MPP7: variants seen among roughly 807,000 people sequenced by gnomAD.
MPP7 encodes MAGUK p55 scaffold protein 7, also known as MAGUK p55 subfamily member 7.
MPP7 carries 60 observed loss-of-function variants against 76.5 expected under a neutral mutation model. The ratio of observed to expected loss-of-function variants is 0.78; its 90% CI spans 0.64 to 0.97. The LOEUF (loss-of-function observed/expected upper bound fraction) is 0.97, where lower values mean the gene tolerates loss of function less well. Ranked by LOEUF, MPP7 falls within the 50% of genes least tolerant of loss-of-function variation. The probability of loss-of-function intolerance (pLI) is 0.00; values close to 1 mark genes in which losing one functional copy is unlikely to be tolerated. For missense variants in MPP7, 641 were observed against 694.0 expected, an observed-to-expected ratio of 0.92 and a Z score of 0.86; for synonymous variants, 237 against 244.5, an observed-to-expected ratio of 0.97 and a Z score of 0.29.
intron 1 of MPP7, among the ~76,000 whole-genome samples, chr10:28,284,800 G>A (rs1318050469): frequency 1.3e-5 from 2 of 152,088 alleles, no homozygotes; most frequent in Non-Finnish European, 2.9e-5. Context: ...ATACATTTTT[G>A]AATCTGATCT....
Position 28,119,728 on chromosome 10 carries a change from A to G in MPP7, c.888-13T>C. Reference sequence around the variant, plus strand: ...CAAAGCCAATCTCCTGGGAGAAAGAAGGTCAACATACCTATCAATTTTCAG... The same window carrying G: ...CAAAGCCAATCTCCTGGGAGAAAGAGGGTCAACATACCTATCAATTTTCAG... On this transcript the variant is annotated splice_polypyrimidine_tract_variant and intron_variant, in intron 10 of 16. Transcript: ENST00000683449. 6.2e-7 allele frequency: 1 copy of G among 1,610,236 alleles called. No homozygotes were observed. The highest frequency in any genetic ancestry group is 8.5e-7 in the Non-Finnish European group (1 of 1,176,650).
rs1834928881 is a variant in MPP7, at chr10:28,124,047, T to C, written c.599A>G (p.Glu200Gly). 6.2e-7 allele frequency: 1 copy of C among 1,608,758 alleles called. No individual in the cohort carries two copies. Among genetic ancestry groups the C allele is most frequent in the Non-Finnish European group, 8.5e-7 (1 of 1,175,328 alleles). Residue 200 changes from glutamate (E) to glycine (G), a missense_variant, in exon 8 of 17, where the codon GAA (glutamate) becomes GGA (glycine). Physicochemically the swap from Glu to Gly is moderately conservative, Grantham distance 98. Coordinates refer to ENST00000683449, the MANE Select transcript of MPP7 (RefSeq NM_001318170.2). ...ACAGCTTACCAAAATCTGTATTATTTCCTCAGGCCTTTTATCCTCCACTGG... is the reference window on the plus strand; with the variant it reads ...ACAGCTTACCAAAATCTGTATTATTCCCTCAGGCCTTTTATCCTCCACTGG... ...GIPVEDKRPE[E>G]IIQILAQSQG... is the part of the protein sequence containing the mutation.
intron 2 of MPP7, among the ~76,000 whole-genome samples, chr10:28,219,776 GAAC>G (rs1838437009): frequency 6.6e-6 from 1 of 151,944 alleles, no homozygotes; most frequent in Non-Finnish European, 1.5e-5. Flanking sequence ...TCGACGCCCA[GAAC>G]AACACTATAA....
At chr10:28,204,967 T>C (rs775802041) in intron 2 of MPP7, among the ~76,000 whole-genome samples, 6 of 152,344 alleles carry the variant, frequency 3.9e-5, no homozygotes, top group Non-Finnish European at 8.8e-5. Flanking sequence ...ATAAGCCATA[T>C]TATATTTAAG....
intron 3 of MPP7, among the ~76,000 whole-genome samples, chr10:28,160,814 CA>C (rs1266485435): frequency 6.6e-6 from 1 of 152,138 alleles, no homozygotes; most frequent in Non-Finnish European, 1.5e-5. Flanking sequence ...GTGTGACTCT[CA>C]GAACCAGGTG....
intron 2 of MPP7, among the ~76,000 whole-genome samples, chr10:28,225,681 G>A (rs181674623): frequency 2.0e-5 from 3 of 152,272 alleles, no homozygotes; most frequent in East Asian, 3.9e-4. Flanking sequence ...GATAAGGATG[G>A]GAAGAAATTG....
intron 2 of MPP7, among the ~76,000 whole-genome samples, chr10:28,318,045 T>C (rs989996376): frequency 2.0e-5 from 3 of 152,220 alleles, no homozygotes; most frequent in Non-Finnish European, 4.4e-5. Flanking sequence ...ATTATGAGCA[T>C]GTGTCATCTA....
intron 2 of MPP7, among the ~76,000 whole-genome samples, chr10:28,213,811 G>T (rs867855773): frequency 7.7e-6 from 1 of 130,698 alleles, no homozygotes; most frequent in Non-Finnish European, 1.6e-5. Flanking sequence ...AAAAAAAAAA[G>T]AGAGAGAGAG....
At chr10:28,107,985 G>C (rs1312767351) in intron 11 of MPP7, among the ~76,000 whole-genome samples, 2 of 152,132 alleles carry the variant, frequency 1.3e-5, no homozygotes, top group Non-Finnish European at 2.9e-5. Flanking sequence ...TTCTTACTTA[G>C]TAGATTTTCT....
At chr10:28,246,169 G>A (rs1839428361) in intron 1 of MPP7, among the ~76,000 whole-genome samples, 1 of 152,080 alleles carries the variant, frequency 6.6e-6, no homozygotes, top group Non-Finnish European at 1.5e-5. Context: ...TAATTAAATT[G>A]TCAAAAGTCA....
At chr10:28,087,003 C>G (rs541603453) in intron 12 of MPP7, among the ~76,000 whole-genome samples, 1 of 152,150 alleles carries the variant, frequency 6.6e-6, no homozygotes, top group Admixed American at 6.5e-5. Flanking sequence ...TTTGTCCCCC[C>G]AAATTGCGTG....
At chr10:28,312,323 A>G (rs1261111870) in intron 2 of MPP7, among the ~76,000 whole-genome samples, 1 of 152,122 alleles carries the variant, frequency 6.6e-6, no homozygotes, top group Non-Finnish European at 1.5e-5. Flanking sequence ...TGCATTTTAC[A>G]GAGTGCTGAT....
At chr10:28,332,057 G>T (rs1157951325) in intron 1 of MPP7, among the ~76,000 whole-genome samples, 3 of 152,174 alleles carry the variant, frequency 2.0e-5, no homozygotes, top group Non-Finnish European at 4.4e-5. Flanking sequence ...CATTTGCTTT[G>T]TTTATTCAGC....
chr10:28,213,689 G>A (rs1295173582), intron 2 of MPP7, among the ~76,000 whole-genome samples: 1 of 151,784 alleles, frequency 6.6e-6, no homozygotes, highest in Non-Finnish European at 1.5e-5. Context: ...CTACTCAGGA[G>A]GCTGAGGCAG....
intron 2 of MPP7, among the ~76,000 whole-genome samples, chr10:28,310,933 TA>T (rs1841286387): frequency 2.0e-5 from 3 of 152,220 alleles, no homozygotes; most frequent in African/African-American, 7.2e-5. Context: ...TGCATCAACC[TA>T]AAATATTTTT....
At chr10:28,308,930 T>C (rs1360360182) in intron 2 of MPP7, among the ~76,000 whole-genome samples, 1 of 151,974 alleles carries the variant, frequency 6.6e-6, no homozygotes, top group African/African-American at 2.4e-5. Context: ...ACTAAGAAAA[T>C]TGGAAAACTC....
chr10:28,166,929 A>C (rs1211313197), intron 3 of MPP7, among the ~76,000 whole-genome samples: 3 of 152,086 alleles, frequency 2.0e-5, no homozygotes, highest in Non-Finnish European at 2.9e-5. Context: ...GCTACATAAT[A>C]CTTTGTTCTG....
chr10:28,262,442 A>C (rs956722297), intron 1 of MPP7, among the ~76,000 whole-genome samples: 4 of 151,482 alleles, frequency 2.6e-5, no homozygotes, highest in African/African-American at 9.7e-5. Flanking sequence ...TGAAACTAAC[A>C]GTATATCCCA....
chr10:28,136,304 T>C (rs1305445350), intron 5 of MPP7, among the ~76,000 whole-genome samples: 1 of 152,062 alleles, frequency 6.6e-6, no homozygotes, highest in African/African-American at 2.4e-5. Flanking sequence ...GTGGAAAAAC[T>C]TGTCTTCCAT....
Sources: allele counts gnomAD v4.1 joint callset (sites outside exome capture counted in the v4.1 genomes callset), GRCh38; gene constraint gnomAD v4.1.1; transcripts MANE v1.5; gene names NCBI Gene and HGNC (gene_info 2026-07-23, HGNC 2026-07-21).